The following ARHGEF38 variants were observed in gnomAD, a reference collection of about 807,000 sequenced individuals.
The protein encoded by ARHGEF38 is Rho guanine nucleotide exchange factor (GEF) 38.
Under a neutral mutation model 79.9 loss-of-function variants are expected in ARHGEF38, and 79 were observed. The ratio of observed to expected loss-of-function variants is 0.99; its 90% CI spans 0.82 to 1.19. The LOEUF (loss-of-function observed/expected upper bound fraction) is 1.19, where lower values mean the gene tolerates loss of function less well. Among genes scored for constraint, ARHGEF38 ranks in the 50% most tolerant of loss-of-function variants. The pLI is 0.00. For missense variants in ARHGEF38, 962 were observed against 907.2 expected (o/e 1.06, Z -0.78); for synonymous variants, 366 against 328.3 (o/e 1.11, Z -1.24).
chr4:105,610,358 C>T (rs1728239882), intron 2 of ARHGEF38, among the ~76,000 whole-genome samples: 1 of 151,902 alleles, frequency 6.6e-6, no homozygotes, highest in Non-Finnish European at 1.5e-5. Flanking sequence ...AAACATTAGC[C>T]TTTAATTTTT....
chr4:105,663,710 C>T (rs1414538654), intron 10 of ARHGEF38, among the ~76,000 whole-genome samples: 3 of 152,224 alleles, frequency 2.0e-5, no homozygotes, highest in Non-Finnish European at 4.4e-5. Context: ...TGGCTCACGC[C>T]TGTAATCCCA....
chr4:105,665,730 C>G (rs1730726033), intron 10 of ARHGEF38, among the ~76,000 whole-genome samples: 1 of 152,190 alleles, frequency 6.6e-6, no homozygotes, highest in Admixed American at 6.5e-5. Flanking sequence ...GCCACTATGC[C>G]AGACTTACCC....
In ARHGEF38 at chr4:105,679,926, C is replaced by A; in HGVS notation, c.*1989C>A. On this transcript the variant is annotated 3_prime_UTR_variant, in exon 14 of 14. Transcript: ENST00000420470. ...GTTGCCACCAAAACTTTATAATTAC[C>A]TCTCTGAAGCCTTTTAGTGTAATTT... is the stretch of plus-strand genomic sequence containing the variant. 7.2e-7 allele frequency: 1 copy of A among 1,387,024 alleles called. No homozygotes were observed. Among genetic ancestry groups the A allele is most frequent in the Non-Finnish European group, 1.0e-6 (1 of 977,786 alleles). 85.9% of individuals were successfully genotyped at this position (1,387,024 alleles called of 1,614,324 possible). A position where few individuals can be genotyped will look rare whatever the true frequency, so the allele number is the denominator to read the frequency against.
At chr4:105,635,699 G>A (rs991772035) in intron 4 of ARHGEF38, among the ~76,000 whole-genome samples, 1 of 152,060 alleles carries the variant, frequency 6.6e-6, no homozygotes, top group Non-Finnish European at 1.5e-5. Context: ...ATGATTGGAA[G>A]GAAATATTGG....
intron 1 of ARHGEF38, among the ~76,000 whole-genome samples, chr4:105,584,079 G>A (rs1007616389): frequency 6.6e-6 from 1 of 152,108 alleles, no homozygotes; most frequent in African/African-American, 2.4e-5. Context: ...ACAAATAGGA[G>A]AATAGATACT....
At chr4:105,675,572 CA>C (rs1381081291) in intron 13 of ARHGEF38, among the ~76,000 whole-genome samples, 2 of 152,112 alleles carry the variant, frequency 1.3e-5, no homozygotes, top group Non-Finnish European at 2.9e-5. Context: ...CAGGTCAAAT[CA>C]ATAAATATTT....
chr4:105,647,630 G>A (rs1729905808), intron 6 of ARHGEF38, among the ~76,000 whole-genome samples: 1 of 152,082 alleles, frequency 6.6e-6, no homozygotes. Context: ...CTGCCAAATT[G>A]TTTTCTACAA....
At chr4:105,591,277 G>A (rs1393911866) in intron 2 of ARHGEF38, among the ~76,000 whole-genome samples, 3 of 152,116 alleles carry the variant, frequency 2.0e-5, no homozygotes, top group Non-Finnish European at 4.4e-5. Context: ...CACCCAGGCT[G>A]GAGTGCAGTG....
chr4:105,679,390 C>T lies in ARHGEF38; in HGVS notation c.*1453C>T. ...AGGCACACTCTGGTAATCTGAGACA[C>T]TGCATTACTATTCAGCTTTCTAAGT... On this transcript the variant is annotated 3_prime_UTR_variant, in exon 14 of 14. Transcript: ENST00000420470. 7.2e-7 allele frequency: 1 copy of T among 1,380,968 alleles called. No individual in the cohort carries two copies. The highest frequency in any genetic ancestry group is 1.0e-6 in the Non-Finnish European group (1 of 970,364). The allele number at this position is 1,380,968 out of a possible 1,614,324, so 85.5% of individuals were successfully genotyped here.
At chr4:105,590,677 T>C (rs1477823306) in intron 2 of ARHGEF38, among the ~76,000 whole-genome samples, 1 of 152,188 alleles carries the variant, frequency 6.6e-6, no homozygotes, top group Non-Finnish European at 1.5e-5. Flanking sequence ...AAATTAATTG[T>C]TAGGTCAAAG....
intron 1 of ARHGEF38, among the ~76,000 whole-genome samples, chr4:105,567,235 A>G (rs891079106): frequency 1.3e-5 from 2 of 152,206 alleles, no homozygotes; most frequent in African/African-American, 4.8e-5. Context: ...TACTCCATTT[A>G]CACCAGTTTT....
At chr4:105,629,470 T>C (rs961745868) in intron 3 of ARHGEF38, among the ~76,000 whole-genome samples, 7 of 152,040 alleles carry the variant, frequency 4.6e-5, no homozygotes, top group African/African-American at 1.7e-4. Flanking sequence ...GGCACTTTTA[T>C]TTCTGTGGAA....
intron 1 of ARHGEF38, among the ~76,000 whole-genome samples, chr4:105,585,548 G>T (rs1272377836): frequency 6.6e-6 from 1 of 152,096 alleles, no homozygotes; most frequent in East Asian, 1.9e-4. Context: ...ACAGAGTGAA[G>T]TCAATTACAT....
chr4:105,620,097 C>T (rs1193928281), intron 3 of ARHGEF38, among the ~76,000 whole-genome samples: 1 of 152,102 alleles, frequency 6.6e-6, no homozygotes, highest in Non-Finnish European at 1.5e-5. Context: ...TCTGAGAGCT[C>T]TGAGGAAGTT....
At chr4:105,624,146 T>C (rs11936257) in intron 3 of ARHGEF38, among the ~76,000 whole-genome samples, 2,594 of 152,288 alleles carry the variant, frequency 0.017, 66 homozygotes, top group African/African-American at 0.051. Context: ...ATGCTATTAC[T>C]GCATCACCAG....
chr4:105,629,460 G>A (rs1015922591), intron 3 of ARHGEF38, among the ~76,000 whole-genome samples: 1 of 151,784 alleles, frequency 6.6e-6, no homozygotes, highest in African/African-American at 2.4e-5. Context: ...AAATACTAAG[G>A]GCACTTTTAT....
intron 6 of ARHGEF38, among the ~76,000 whole-genome samples, chr4:105,647,627 A>G (rs970042933): frequency 6.6e-6 from 1 of 152,258 alleles, no homozygotes; most frequent in African/African-American, 2.4e-5. Flanking sequence ...TTTCTGCCAA[A>G]TTGTTTTCTA....
At chr4:105,674,689 A>G (rs1731060687) in intron 13 of ARHGEF38, among the ~76,000 whole-genome samples, 2 of 152,214 alleles carry the variant, frequency 1.3e-5, no homozygotes, top group South Asian at 4.1e-4. Context: ...CATCCTAAAC[A>G]AATTTTGGGT....
At chr4:105,661,808 G>A (rs545843938) in intron 10 of ARHGEF38, among the ~76,000 whole-genome samples, 103 of 152,024 alleles carry the variant, frequency 6.8e-4, no homozygotes, top group African/African-American at 2.4e-3. Context: ...TACATTGTTT[G>A]ACCTGTTTTG....
Sources: allele counts gnomAD v4.1 joint callset (sites outside exome capture counted in the v4.1 genomes callset), GRCh38; gene constraint gnomAD v4.1.1; transcripts MANE v1.5; gene names NCBI Gene and HGNC (gene_info 2026-07-23, HGNC 2026-07-21).